CEP19: variants seen among roughly 807,000 people sequenced by gnomAD.
CEP19 encodes the protein centrosomal protein of 19 kDa.
CEP19 carries 14 observed loss-of-function variants against 17.5 expected under a neutral mutation model. The observed-to-expected ratio is 0.80, with a 90% confidence interval of 0.53 to 1.25. The LOEUF (loss-of-function observed/expected upper bound fraction) is 1.25, where lower values mean the gene tolerates loss of function less well. Among genes scored for constraint, CEP19 ranks in the 50% most tolerant of loss-of-function variants. CEP19 has a pLI of 0.00. For missense variants in CEP19, 193 were observed against 192.0 expected (o/e 1.01, Z -0.03); for synonymous variants, 59 against 65.5 (o/e 0.90, Z 0.48).
At position 196,706,355 on chromosome 3, in the gene CEP19, T is replaced by C. The variant is rs1445095163; in HGVS notation, c.*1196A>G. 2 of 152,200 alleles carry C rather than the reference T, an allele frequency of 1.3e-5. No homozygotes were observed. The highest frequency in any genetic ancestry group is 2.9e-5 in the Non-Finnish European group (2 of 68,028). 9.4% of individuals were successfully genotyped at this position (152,200 alleles called of 1,614,324 possible). A position where few individuals can be genotyped will look rare whatever the true frequency, so the allele number is the denominator to read the frequency against. On this transcript the variant is annotated 3_prime_UTR_variant, in exon 3 of 3. Transcript: ENST00000409690. ...AATTTCTACCAACTAAACAATATTG[T>C]AATAAGGATAAATGTATCAAATCAC...
chr3:196,707,401 A>T lies in CEP19; in HGVS notation c.*150T>A. 2.5e-6 allele frequency: 2 copies of T among 790,984 alleles called. No individual in the cohort carries two copies. The highest frequency in any genetic ancestry group is 2.0e-6 in the Non-Finnish European group (1 of 497,820). 49.0% of individuals were successfully genotyped at this position (790,984 alleles called of 1,614,324 possible). A position where few individuals can be genotyped will look rare whatever the true frequency, so the allele number is the denominator to read the frequency against. ...CATACTCCTCATGCACCTACATAGT[A>T]GATGCTTTAAATGTCCTGGTTTTGA... On this transcript the variant is annotated 3_prime_UTR_variant, in exon 3 of 3. Coordinates refer to ENST00000409690, the MANE Select transcript of CEP19 (RefSeq NM_032898.5).
In CEP19 at chr3:196,710,722, G is replaced by A. The variant is rs866662162; in HGVS notation, c.-71+1207C>T. On this transcript the variant is annotated intron_variant, in intron 1 of 2. Transcript: ENST00000409690. Reference sequence around the variant, plus strand: ...CCAGGCATGGCAGCATGCACCTGTAGTCCCAGCCACACCAAAGGCCAAGGT... The same window carrying A: ...CCAGGCATGGCAGCATGCACCTGTAATCCCAGCCACACCAAAGGCCAAGGT... 7.2e-5 allele frequency among the ~76,000 whole-genome samples: 11 copies of A among 151,808 alleles called. No individual in the cohort carries two copies. In the South Asian group the frequency reaches 2.3e-3, roughly 32 times the overall value.
intron 1 of CEP19, 187 bp from the exon 2 acceptor site, chr3:196,708,914 G>T: frequency 2.2e-6 from 1 of 457,654 alleles, no homozygotes; most frequent in Non-Finnish European, 3.9e-6. Context: ...GGGCCATGCT[G>T]ATCCTCTCTG....
Position 196,708,667 on chromosome 3 carries a change from C to G in CEP19, c.-10G>C. 6.2e-7 allele frequency: 1 copy of G among 1,613,530 alleles called. No homozygotes were observed. Among genetic ancestry groups the G allele is most frequent in the Non-Finnish European group, 8.5e-7 (1 of 1,179,674 alleles). ...TGGCAGTGCACATCATTCCCATGTA[C>G]ATGTCCGGGTAAGTCAGAGGAAATC... is the stretch of plus-strand genomic sequence containing the variant. On this transcript the variant is annotated 5_prime_UTR_variant, in exon 2 of 3. The change abolishes an upstream ATG in the 5' untranslated region. Transcript: ENST00000409690.
chr3:196,710,324 A>AT (rs914087083), intron 1 of CEP19, among the ~76,000 whole-genome samples: 4 of 152,168 alleles, frequency 2.6e-5, no homozygotes, highest in Admixed American at 2.0e-4. Flanking sequence ...TGGGCAGATC[A>AT]TTTGAGGTCA....
At position 196,712,062 on chromosome 3, in the gene CEP19, G is replaced by A. The variant is rs1711823400; in HGVS notation, c.-204C>T. The A allele has an allele frequency of 4.2e-6, 3 of 707,860 alleles. No individual in the cohort carries two copies. The highest frequency in any genetic ancestry group is 1.7e-5 in the African/African-American group (1 of 57,164). The allele number at this position is 707,860 out of a possible 1,614,324, so 43.8% of individuals were successfully genotyped here. On this transcript the variant is annotated 5_prime_UTR_variant, in exon 1 of 3. Transcript: ENST00000409690. ...AGACCGGGCGGAGCCTGGCGCTGCAGGAAGAGGCGACAGCCACAGCCCTAC... is the reference window on the plus strand; with the variant it reads ...AGACCGGGCGGAGCCTGGCGCTGCAAGAAGAGGCGACAGCCACAGCCCTAC...
Position 196,706,500 on chromosome 3 carries a change from A to G in CEP19, c.*1051T>C, listed in dbSNP as rs1008302549. The G allele has an allele frequency of 6.6e-6, 1 of 152,138 alleles. No homozygotes were observed. The highest frequency in any genetic ancestry group is 2.4e-5 in the African/African-American group (1 of 41,434). 9.4% of individuals were successfully genotyped at this position (152,138 alleles called of 1,614,324 possible). On this transcript the variant is annotated 3_prime_UTR_variant, in exon 3 of 3. Coordinates refer to ENST00000409690, the MANE Select transcript of CEP19 (RefSeq NM_032898.5). ...TTCCCATTTTACAAACAAACCTTTT[A>G]TTTATGGGAAGAGGTTCAGCGTTTC...
At position 196,707,884 on chromosome 3, in the gene CEP19, C is replaced by T; in HGVS notation, c.159G>A (p.Lys53=). The T allele has an allele frequency of 1.2e-6, 2 of 1,612,378 alleles. No individual in the cohort carries two copies. Among genetic ancestry groups the T allele is most frequent in the South Asian group, 2.2e-5 (2 of 91,078 alleles). Reference sequence around the variant, plus strand: ...GGTAACTCTTGTGTCGCGGATTATTCTTTAATTGTTCAGCAGCTCTGGTGC... The same window carrying T: ...GGTAACTCTTGTGTCGCGGATTATTTTTTAATTGTTCAGCAGCTCTGGTGC... The part of the protein sequence containing the change: ...SDCTRAAEQL[K]NNPRHKSYLE... The change falls in exon 3 of 3, where the codon AAG becomes AAA. Residue 53 remains lysine, a synonymous_variant. Coordinates refer to ENST00000409690, the MANE Select transcript of CEP19 (RefSeq NM_032898.5).
At position 196,706,995 on chromosome 3, in the gene CEP19, C is replaced by T. The variant is rs1711541114; in HGVS notation, c.*556G>A. ...TGCTTAATACTGCTAATTAGCTTTT[C>T]ACAGGTTTTGACATCTTCCAGTCAG... is the stretch of plus-strand genomic sequence containing the variant. On this transcript the variant is annotated 3_prime_UTR_variant, in exon 3 of 3. Transcript: ENST00000409690. 2.7e-5 allele frequency: 4 copies of T among 149,844 alleles called. No individual in the cohort carries two copies. The highest frequency in any genetic ancestry group is 2.7e-4 in the Admixed American group (4 of 15,006). 9.3% of individuals were successfully genotyped at this position (149,844 alleles called of 1,614,324 possible).
intron 1 of CEP19, chr3:196,709,021 T>G (rs1257048624): frequency 4.9e-6 from 1 of 202,754 alleles, no homozygotes; most frequent in Non-Finnish European, 1.0e-5. Context: ...TGGGTTAGTT[T>G]CAACCTGTTG....
chr3:196,707,648 T>A lies in CEP19; in HGVS notation c.395A>T (p.Asp132Val), dbSNP rs1711572112. 1 of 1,614,014 alleles carries A rather than the reference T, an allele frequency of 6.2e-7. No homozygotes were observed. ...ELFEKNQKKK[D>V]DPNFVYDIEV... ...AATGTCATAAACAAAATTTGGATCA[T>A]CCTTCTTCTTCTGATTTTTCTCAAA... is the stretch of plus-strand genomic sequence containing the variant. Residue 132 changes from aspartate to valine, a missense_variant, in exon 3 of 3, where the codon GAT becomes GTT. Coordinates refer to ENST00000409690, the MANE Select transcript of CEP19 (RefSeq NM_032898.5).
At position 196,706,289 on chromosome 3, in the gene CEP19, G is replaced by C. The variant is rs1397733039; in HGVS notation, c.*1262C>G. Reference sequence around the variant, plus strand: ...TAGAAACACTGAGTAATTATTTTCAGTTTTATTTAATAAACATCAATTTCC... The same window carrying C: ...TAGAAACACTGAGTAATTATTTTCACTTTTATTTAATAAACATCAATTTCC... On this transcript the variant is annotated 3_prime_UTR_variant, in exon 3 of 3. Transcript: ENST00000409690. 1 of 152,104 alleles carries C rather than the reference G, an allele frequency of 6.6e-6. No homozygotes were observed. The highest frequency in any genetic ancestry group is 2.4e-5 in the African/African-American group (1 of 41,396). The allele number at this position is 152,104 out of a possible 1,614,324, so 9.4% of individuals were successfully genotyped here. A position where few individuals can be genotyped will look rare whatever the true frequency, so the allele number is the denominator to read the frequency against.
chr3:196,712,029 C>T lies in CEP19; in HGVS notation c.-171G>A. On this transcript the variant is annotated 5_prime_UTR_variant, in exon 1 of 3. Transcript: ENST00000409690. Reference sequence around the variant, plus strand: ...CGCAGTGCACGCAAAGCCCCTAAGCCGACTGTGAGACCGGGCGGAGCCTGG... The same window carrying T: ...CGCAGTGCACGCAAAGCCCCTAAGCTGACTGTGAGACCGGGCGGAGCCTGG... 3 of 715,908 alleles carry T rather than the reference C, an allele frequency of 4.2e-6. No homozygotes were observed. Among genetic ancestry groups the T allele is most frequent in the South Asian group, 3.0e-5 (2 of 67,502 alleles). The allele number at this position is 715,908 out of a possible 1,614,324, so 44.3% of individuals were successfully genotyped here.
chr3:196,709,580 G>A (rs917676431), intron 1 of CEP19, among the ~76,000 whole-genome samples: 14 of 152,152 alleles, frequency 9.2e-5, no homozygotes, highest in Non-Finnish European at 1.8e-4. Context: ...TCATATACAC[G>A]TCAGTAACGT....
At chr3:196,710,110 AAC>A (rs1253862982) in intron 1 of CEP19, among the ~76,000 whole-genome samples, 2 of 152,220 alleles carry the variant, frequency 1.3e-5, no homozygotes, top group African/African-American at 4.8e-5. Flanking sequence ...CAAATTTAAC[AAC>A]ATATATTATT....
rs1476033976 is a variant in CEP19, at chr3:196,708,549, G to C, written c.109C>G (p.Arg37Gly). Residue 37 changes from arginine (R) to glycine (G), a missense_variant, in exon 2 of 3, where the codon CGA becomes GGA. Physicochemically the swap from Arg to Gly is moderately radical, Grantham distance 125. Coordinates refer to ENST00000409690, the MANE Select transcript of CEP19 (RefSeq NM_032898.5). ...GTACCTGAAAACTTTGAAAAGTTTC[G>C]AACTGGCATAATGCGCTGGCGAATT... ...GKIRQRIMPV[R>G]NFSKFSDCTR... 3 of 1,614,026 alleles carry C rather than the reference G, an allele frequency of 1.9e-6. No homozygotes were observed. Among genetic ancestry groups the C allele is most frequent in the Admixed American group, 1.7e-5 (1 of 59,994 alleles).
chr3:196,709,964 G>A (rs917951488), intron 1 of CEP19, among the ~76,000 whole-genome samples: 4 of 152,142 alleles, frequency 2.6e-5, no homozygotes, highest in African/African-American at 9.7e-5. Context: ...ACACGTCATT[G>A]TAGAATACTG....
chr3:196,708,318 A>G (rs1711600754), intron 2 of CEP19, among the ~76,000 whole-genome samples: 1 of 152,224 alleles, frequency 6.6e-6, no homozygotes, highest in Non-Finnish European at 1.5e-5. Context: ...ATAATGCTAT[A>G]TCATTTAACC....
intron 1 of CEP19, among the ~76,000 whole-genome samples, chr3:196,710,955 T>C (rs13077236): frequency 0.34 from 41,585 of 122,886 alleles, 6,237 homozygotes; most frequent in African/African-American, 0.36. Flanking sequence ...CTTTTCTTGC[T>C]TTTTTTTTTT....
Sources: gnomAD v4.1 joint callset for allele counts (sites outside exome capture counted in the v4.1 genomes callset) on GRCh38, gnomAD v4.1.1 for gene constraint, MANE v1.5 for transcripts, NCBI Gene and HGNC (gene_info 2026-07-23, HGNC 2026-07-21) for gene names.